NCAM2: variants seen among roughly 807,000 people sequenced by gnomAD.
NCAM2 encodes the protein neural cell adhesion molecule 2, also known as N-CAM-2.
A neutral mutation model predicts 98.1 loss-of-function variants in NCAM2; 30 were observed. The ratio of observed to expected loss-of-function variants is 0.31; its 90% CI spans 0.23 to 0.41. The LOEUF (loss-of-function observed/expected upper bound fraction) is 0.41, where lower values mean the gene tolerates loss of function less well. NCAM2 is among the 10% of genes least tolerant of loss of function. NCAM2 has a pLI of 1.00. For synonymous variants in NCAM2, 368 were observed against 342.4 expected (o/e 1.07, Z -0.83); for missense variants, 867 against 1,005.8 (o/e 0.86, Z 1.87).
chr21:21,530,243 A>ATTAATTATATATAATTTAAT (rs1402242544), intron 16 of NCAM2, among the ~76,000 whole-genome samples: 12 of 52,738 alleles, frequency 2.3e-4, no homozygotes, highest in African/African-American at 7.1e-4. Context: ...TTTAATTTAA[A>ATTAATTATATATAATTTAAT]TTAATTATAT....
intron 1 of NCAM2, among the ~76,000 whole-genome samples, chr21:21,173,859 C>T (rs920918801): frequency 2.6e-5 from 4 of 152,110 alleles, no homozygotes; most frequent in Non-Finnish European, 5.9e-5. Flanking sequence ...AATTAGCATA[C>T]CCAGAGGCTT....
At chr21:21,202,408 C>CTTTTTT (rs11385750) in intron 1 of NCAM2, among the ~76,000 whole-genome samples, 37 of 80,192 alleles carry the variant, frequency 4.6e-4, no homozygotes, top group Non-Finnish European at 5.5e-4. Context: ...AGCAAATATC[C>CTTTTTT]TTTTTTTTTT....
intron 1 of NCAM2, among the ~76,000 whole-genome samples, chr21:21,104,459 A>G (rs184401721): frequency 6.6e-6 from 1 of 152,268 alleles, no homozygotes; most frequent in African/African-American, 2.4e-5. Flanking sequence ...CATACTTGTT[A>G]TCTGCCAAGC....
chr21:21,271,118 G>T (rs908206711), intron 1 of NCAM2, among the ~76,000 whole-genome samples: 3 of 152,060 alleles, frequency 2.0e-5, no homozygotes, highest in Non-Finnish European at 4.4e-5. Context: ...AATAAAACAA[G>T]TCTACTGAGA....
intron 1 of NCAM2, among the ~76,000 whole-genome samples, chr21:21,221,128 C>G (rs1368029802): frequency 6.6e-6 from 1 of 152,160 alleles, no homozygotes; most frequent in African/African-American, 2.4e-5. Context: ...GCACCACGAA[C>G]TGCACTCATA....
intron 8 of NCAM2, among the ~76,000 whole-genome samples, chr21:21,354,083 G>T (rs977143374): frequency 2.0e-5 from 3 of 151,970 alleles, no homozygotes; most frequent in Admixed American, 1.3e-4. Context: ...TTATGTATAT[G>T]AATATAATGT....
At chr21:21,213,402 A>G (rs770610927) in intron 1 of NCAM2, among the ~76,000 whole-genome samples, 55 of 152,336 alleles carry the variant, frequency 3.6e-4, no homozygotes, top group Non-Finnish European at 7.2e-4. Flanking sequence ...CAGATTTATG[A>G]ATAGCATAAT....
At chr21:21,366,709 A>G (rs979060221) in intron 8 of NCAM2, among the ~76,000 whole-genome samples, 4 of 152,062 alleles carry the variant, frequency 2.6e-5, no homozygotes. Flanking sequence ...ATGATAAAAT[A>G]CAAAATGTAA....
At chr21:21,354,013 C>G in intron 8 of NCAM2, among the ~76,000 whole-genome samples, 1 of 151,922 alleles carries the variant, frequency 6.6e-6, no homozygotes, top group Non-Finnish European at 1.5e-5. Flanking sequence ...AAAGTTCTAC[C>G]GAGGGAGTGA....
chr21:21,198,447 C>T (rs2069091842), intron 1 of NCAM2, among the ~76,000 whole-genome samples: 1 of 152,108 alleles, frequency 6.6e-6, no homozygotes, highest in African/African-American at 2.4e-5. Flanking sequence ...ACTGAATTAT[C>T]ACTTTCTTAC....
chr21:21,412,125 G>A (rs1038785243), intron 10 of NCAM2, among the ~76,000 whole-genome samples: 1 of 152,164 alleles, frequency 6.6e-6, no homozygotes, highest in East Asian at 1.9e-4. Context: ...CTGAGTTCTG[G>A]AGGATAGAGG....
chr21:21,326,414 T>C (rs2826797), intron 6 of NCAM2, among the ~76,000 whole-genome samples: 64,030 of 151,986 alleles, frequency 0.42, 14,779 homozygotes, highest in Non-Finnish European at 0.53. Context: ...TAGATGCTTT[T>C]AGTTTGGTCA....
At chr21:21,423,985 G>A (rs558096798) in intron 11 of NCAM2, among the ~76,000 whole-genome samples, 4 of 152,086 alleles carry the variant, frequency 2.6e-5, no homozygotes, top group African/African-American at 4.8e-5. Flanking sequence ...TTTTATCTTA[G>A]CCAGACCTTT....
intron 9 of NCAM2, among the ~76,000 whole-genome samples, chr21:21,399,299 G>T (rs766085691): frequency 1.3e-5 from 2 of 152,122 alleles, no homozygotes; most frequent in Non-Finnish European, 2.9e-5. Context: ...AAACAAAAAT[G>T]GAGTTAGTTA....
chr21:21,215,277 G>A (rs1315004652), intron 1 of NCAM2, among the ~76,000 whole-genome samples: 1 of 152,108 alleles, frequency 6.6e-6, no homozygotes, highest in Non-Finnish European at 1.5e-5. Context: ...AATGATTTTG[G>A]CAATGCTGTA....
intron 1 of NCAM2, among the ~76,000 whole-genome samples, chr21:21,012,951 A>G (rs533689262): frequency 9.7e-4 from 148 of 152,288 alleles, no homozygotes; most frequent in African/African-American, 3.5e-3. Context: ...TAATCAATTT[A>G]TAAGTGTCGT....
chr21:21,286,140 TA>T, intron 3 of NCAM2, 128 bp from the exon 4 acceptor site: 1 of 1,013,262 alleles, frequency 9.9e-7, no homozygotes, highest in Non-Finnish European at 1.4e-6. Context: ...TTTAAGATTT[TA>T]AAGTATCTAG....
At chr21:21,281,237 G>C (rs2072918519) in intron 2 of NCAM2, among the ~76,000 whole-genome samples, 1 of 152,022 alleles carries the variant, frequency 6.6e-6, no homozygotes, top group South Asian at 2.1e-4. Flanking sequence ...CATTATATCT[G>C]ATAATAACTT....
At chr21:21,031,787 C>G (rs1187213916) in intron 1 of NCAM2, among the ~76,000 whole-genome samples, 1 of 141,868 alleles carries the variant, frequency 7.0e-6, no homozygotes, top group Non-Finnish European at 1.5e-5. Context: ...ATCTCTCTCT[C>G]TCAATCTCAC....
Sources: allele counts gnomAD v4.1 joint callset (sites outside exome capture counted in the v4.1 genomes callset), GRCh38; gene constraint gnomAD v4.1.1; transcripts MANE v1.5; gene names NCBI Gene and HGNC (gene_info 2026-07-23, HGNC 2026-07-21).